The following DIAPH2 variants were observed in gnomAD, a reference collection of about 807,000 sequenced individuals.
The protein encoded by DIAPH2 is protein diaphanous homolog 2.
Under a neutral mutation model 92.7 loss-of-function variants are expected in DIAPH2, and 35 were observed. The observed-to-expected ratio is 0.38, with a 90% CI of 0.29 to 0.50. The LOEUF (loss-of-function observed/expected upper bound fraction) is 0.50, where lower values mean the gene tolerates loss of function less well. Among genes scored for constraint, DIAPH2 ranks in the 20% least tolerant of loss-of-function variants. The probability of loss-of-function intolerance (pLI) is 0.94; values close to 1 mark genes in which losing one functional copy is unlikely to be tolerated. For missense variants in DIAPH2, 701 were observed against 819.5 expected (o/e 0.86, Z 1.77); for synonymous variants, 301 against 280.4 (o/e 1.07, Z -0.73).
At chrX:96,698,582 G>C (rs1427442917) in intron 1 of DIAPH2, among the ~76,000 whole-genome samples, 1 of 110,952 alleles carries the variant, frequency 9.0e-6, no homozygotes, top group East Asian at 2.8e-4. Context: ...TTGAGTTCTA[G>C]TCCCCTTAGT....
At chrX:96,936,661 A>G (rs968993648) in intron 10 of DIAPH2, among the ~76,000 whole-genome samples, 6 of 112,063 alleles carry the variant, frequency 5.4e-5, no homozygotes, top group East Asian at 2.8e-4. Flanking sequence ...TTAGCTAAGC[A>G]AAAATATAAG....
chrX:97,489,899 T>C (rs1206906917), intron 26 of DIAPH2, among the ~76,000 whole-genome samples: 1 of 112,031 alleles, frequency 8.9e-6, no homozygotes, highest in Non-Finnish European at 1.9e-5. Context: ...TGTAGTTTTC[T>C]TGTAGTGTCT....
intron 25 of DIAPH2, among the ~76,000 whole-genome samples, chrX:97,403,778 A>G (rs1327448992): frequency 9.0e-6 from 1 of 110,991 alleles, no homozygotes; most frequent in Non-Finnish European, 1.9e-5. Context: ...CCTGAATGTA[A>G]CTCTGTAAGA....
intron 12 of DIAPH2, among the ~76,000 whole-genome samples, chrX:96,939,813 C>T (rs974263800): frequency 4.9e-5 from 4 of 81,122 alleles, no homozygotes; most frequent in East Asian, 3.4e-4. Flanking sequence ...TACAGGCGCG[C>T]GCCACCATGC....
intron 16 of DIAPH2, 47 bp from the exon 17 acceptor site, chrX:96,965,046 A>C: frequency 2.7e-6 from 3 of 1,117,184 alleles, no homozygotes; most frequent in Non-Finnish European, 3.6e-6. Context: ...GAAAATTTAA[A>C]TATGAGGTTA....
chrX:97,185,728 T>C (rs2067598463), intron 22 of DIAPH2, among the ~76,000 whole-genome samples: 1 of 106,138 alleles, frequency 9.4e-6, no homozygotes, highest in Non-Finnish European at 1.9e-5. Context: ...TGCTGACTCC[T>C]CCAGAATGTT....
chrX:97,274,387 A>G (rs1262804057), intron 23 of DIAPH2, among the ~76,000 whole-genome samples: 91 of 108,810 alleles, frequency 8.4e-4, no homozygotes, highest in Non-Finnish European at 1.6e-3. Flanking sequence ...ACGTGCCTGT[A>G]ATCCCAGCTA....
At chrX:97,379,980 T>A (rs928571512) in intron 24 of DIAPH2, among the ~76,000 whole-genome samples, 1 of 111,516 alleles carries the variant, frequency 9.0e-6, no homozygotes, top group Non-Finnish European at 1.9e-5. Flanking sequence ...TTTCTTTTTT[T>A]TTTTAGCATA....
At chrX:97,586,392 C>T (rs780806646) in intron 26 of DIAPH2, among the ~76,000 whole-genome samples, 7 of 109,620 alleles carry the variant, frequency 6.4e-5, no homozygotes, top group Non-Finnish European at 9.4e-5. Context: ...CTTTTCTTTC[C>T]TACATGTCCA....
At chrX:97,275,261 C>T (rs771305145) in intron 23 of DIAPH2, among the ~76,000 whole-genome samples, 1,696 of 100,101 alleles carry the variant, frequency 0.017, 45 homozygotes, top group African/African-American at 0.061. Flanking sequence ...GGCGGCTGGC[C>T]GGGCAGGGGC....
chrX:96,720,079 A>T (rs2063980166), intron 1 of DIAPH2, among the ~76,000 whole-genome samples: 1 of 111,220 alleles, frequency 9.0e-6, no homozygotes, highest in Non-Finnish European at 1.9e-5. Context: ...AATTATCTTA[A>T]CCTCAATCTG....
intron 23 of DIAPH2, among the ~76,000 whole-genome samples, chrX:97,296,619 A>G (rs1005383322): frequency 3.6e-5 from 4 of 111,750 alleles, no homozygotes; most frequent in African/African-American, 1.3e-4. Context: ...TAATTTCCCA[A>G]TGTTTATGTA....
chrX:96,941,682 G>A (rs1255310754), intron 12 of DIAPH2, among the ~76,000 whole-genome samples: 1 of 110,896 alleles, frequency 9.0e-6, no homozygotes, highest in Non-Finnish European at 1.9e-5. Context: ...ATGAATGTAG[G>A]ACTAATGGCT....
chrX:97,584,071 T>C (rs1318611690), intron 26 of DIAPH2, among the ~76,000 whole-genome samples: 1 of 112,518 alleles, frequency 8.9e-6, no homozygotes, highest in Non-Finnish European at 1.9e-5. Context: ...GCGCCCACTG[T>C]CTGGCACTCC....
At chrX:96,739,953 T>C (rs2064109397) in intron 3 of DIAPH2, among the ~76,000 whole-genome samples, 1 of 112,343 alleles carries the variant, frequency 8.9e-6, no homozygotes, top group Non-Finnish European at 1.9e-5. Context: ...CTACTCATTT[T>C]GGTGATTTCA....
intron 26 of DIAPH2, among the ~76,000 whole-genome samples, chrX:97,531,561 A>T (rs2071060317): frequency 8.9e-6 from 1 of 112,279 alleles, no homozygotes; most frequent in Admixed American, 9.4e-5. Context: ...AATTAAATGT[A>T]TATATGCTTA....
chrX:96,914,847 T>C (rs967712908), intron 7 of DIAPH2, among the ~76,000 whole-genome samples: 1 of 111,692 alleles, frequency 9.0e-6, no homozygotes, highest in Admixed American at 9.5e-5. Flanking sequence ...TTTTGAATTA[T>C]AGACATGTGA....
At chrX:97,308,639 G>A (rs1277827523) in intron 23 of DIAPH2, among the ~76,000 whole-genome samples, 22 of 37,230 alleles carry the variant, frequency 5.9e-4, no homozygotes, top group African/African-American at 2.8e-3. Flanking sequence ...TTTTTTTTTT[G>A]AGACGGAGTC....
intron 24 of DIAPH2, among the ~76,000 whole-genome samples, chrX:97,358,300 G>C (rs1273898708): frequency 9.0e-6 from 1 of 111,466 alleles, no homozygotes; most frequent in Non-Finnish European, 1.9e-5. Flanking sequence ...GGGACATTTG[G>C]CAAGATCTAG....
Sources: allele counts gnomAD v4.1 joint callset (sites outside exome capture counted in the v4.1 genomes callset), GRCh38; gene constraint gnomAD v4.1.1; transcripts MANE v1.5; gene names NCBI Gene and HGNC (gene_info 2026-07-23, HGNC 2026-07-21).